FAT3: variants seen among roughly 807,000 people sequenced by gnomAD.
FAT3 encodes protocadherin Fat 3.
A neutral mutation model predicts 310.2 loss-of-function variants in FAT3; 95 were observed. That is an observed-to-expected ratio of 0.31 (90% CI 0.26 to 0.36). The LOEUF (loss-of-function observed/expected upper bound fraction) is 0.36. Among genes scored for constraint, FAT3 ranks in the 10% least tolerant of loss-of-function variants. FAT3 has a pLI of 1.00. For missense variants in FAT3, 5,408 were observed against 5,715.6 expected, an observed-to-expected ratio of 0.95 and a Z score of 1.74; for synonymous variants, 2,314 against 2,192.9, an observed-to-expected ratio of 1.06 and a Z score of -1.54.
chr11:92,309,525 T>G (rs144608133), intron 1 of FAT3, among the ~76,000 whole-genome samples: 24 of 152,162 alleles, frequency 1.6e-4, no homozygotes, highest in African/African-American at 5.3e-4. Flanking sequence ...TGGCAAACAC[T>G]TCACCTTCGG....
In FAT3 at chr11:92,638,341, C is replaced by T. The variant is rs574332269; in HGVS notation, c.3608-59043C>T. Among the ~76,000 whole-genome samples, 383 of 152,220 alleles carry T rather than the reference C, an allele frequency of 2.5e-3. 2 individuals are homozygous for T. The highest frequency in any genetic ancestry group is 4.6e-3 in the Non-Finnish European group (312 of 68,010). On this transcript the variant is annotated intron_variant, in intron 3 of 27. Transcript: ENST00000525166. Reference sequence around the variant, plus strand: ...AAAGCAGTCAGAGGCCTTTTAGGACCTTTGTGTCTTGGGCATTCTTTACTC... The same window carrying T: ...AAAGCAGTCAGAGGCCTTTTAGGACTTTTGTGTCTTGGGCATTCTTTACTC...
chr11:92,558,103 A>G (rs754754968), intron 3 of FAT3, among the ~76,000 whole-genome samples: 5 of 152,190 alleles, frequency 3.3e-5, no homozygotes, highest in Non-Finnish European at 5.9e-5. Context: ...TTTCTTTAGG[A>G]AAGTCCTGGG....
chr11:92,506,577 T>C (rs1336505829), intron 2 of FAT3, among the ~76,000 whole-genome samples: 1 of 152,132 alleles, frequency 6.6e-6, no homozygotes, highest in Non-Finnish European at 1.5e-5. Flanking sequence ...ATTTTTCATA[T>C]TATCTTGAAT....
chr11:92,447,172 CAT>C (rs1008344372), intron 2 of FAT3, among the ~76,000 whole-genome samples: 22 of 150,750 alleles, frequency 1.5e-4, no homozygotes, highest in African/African-American at 5.1e-4. Context: ...TGTATGTGTA[CAT>C]ATGTGTGTGT....
chr11:92,527,860 G>A (rs1163297206), intron 3 of FAT3, among the ~76,000 whole-genome samples: 2 of 152,184 alleles, frequency 1.3e-5, no homozygotes, highest in African/African-American at 4.8e-5. Context: ...TAGATACATA[G>A]ACAGAGGCAT....
intron 13 of FAT3, among the ~76,000 whole-genome samples, chr11:92,825,042 T>C (rs914128975): frequency 6.6e-6 from 1 of 152,194 alleles, no homozygotes; most frequent in African/African-American, 2.4e-5. Context: ...TATATGAATG[T>C]TTTATATACA....
chr11:92,249,859 T>C (rs186674349), intron 1 of FAT3, among the ~76,000 whole-genome samples: 170 of 152,246 alleles, frequency 1.1e-3, no homozygotes, highest in Admixed American at 2.6e-3. Context: ...GAGGATTTAA[T>C]ATTAACTACA....
intron 3 of FAT3, among the ~76,000 whole-genome samples, chr11:92,650,711 C>G (rs1359425464): frequency 6.6e-6 from 1 of 152,136 alleles, no homozygotes; most frequent in African/African-American, 2.4e-5. Context: ...GTGCCAGACA[C>G]CGTCATCCCT....
At chr11:92,783,357 C>CA (rs35357267) in intron 7 of FAT3, among the ~76,000 whole-genome samples, 24,308 of 44,486 alleles carry the variant, frequency 0.55, 6,605 homozygotes, top group East Asian at 0.62. Flanking sequence ...GACTCCATCT[C>CA]AAAAAAAAAA....
At chr11:92,521,492 G>T (rs1163415544) in intron 2 of FAT3, among the ~76,000 whole-genome samples, 1 of 149,566 alleles carries the variant, frequency 6.7e-6, no homozygotes, top group Admixed American at 6.7e-5. Flanking sequence ...GGTTCACATA[G>T]ATTTAACACG....
chr11:92,284,523 GC>G (rs1396134561), intron 1 of FAT3, among the ~76,000 whole-genome samples: 1 of 152,104 alleles, frequency 6.6e-6, no homozygotes, highest in African/African-American at 2.4e-5. Context: ...GAGTCCTGGA[GC>G]ACAGGACTCA....
At chr11:92,869,547 G>T (rs1949335086) in intron 22 of FAT3, among the ~76,000 whole-genome samples, 1 of 152,224 alleles carries the variant, frequency 6.6e-6, no homozygotes, top group Non-Finnish European at 1.5e-5. Flanking sequence ...AGCAGAAAGA[G>T]AACCCATTTT....
chr11:92,727,287 A>G (rs1314228280), intron 4 of FAT3, among the ~76,000 whole-genome samples: 2 of 152,194 alleles, frequency 1.3e-5, no homozygotes, highest in East Asian at 3.8e-4. Flanking sequence ...TTTTAGAAAT[A>G]TATCAAGTGC....
chr11:92,559,383 C>CGTT lies in FAT3; in HGVS notation c.3607+34435_3607+34436insGTT, dbSNP rs773345891. 178 of 144,002 alleles carry CGTT rather than the reference C, an allele frequency of 1.2e-3. 1 individual carries two copies. The highest frequency in any genetic ancestry group is 5.1e-3 in the African/African-American group (171 of 33,740). 8.9% of individuals were successfully genotyped at this position (144,002 alleles called of 1,614,324 possible). On this transcript the variant is annotated intron_variant, in intron 3 of 27. Transcript: ENST00000525166. ...GCTGGGTGATTGTTTACTTATTTTC[C>CGTT]TTTTTTTTTTTTTTTTTTTGAAACA...
intron 7 of FAT3, among the ~76,000 whole-genome samples, chr11:92,783,762 G>A (rs1248592217): frequency 5.3e-5 from 8 of 152,122 alleles, no homozygotes; most frequent in Admixed American, 5.2e-4. Context: ...TCCAGCCTAG[G>A]AGACAAAGGA....
chr11:92,524,992 C>A, intron 3 of FAT3, 44 bp downstream of exon 3: 1 of 1,472,730 alleles, frequency 6.8e-7, no homozygotes, highest in Non-Finnish European at 9.4e-7. Context: ...TGTAGTCCAG[C>A]CTTTAAATTC....
chr11:92,735,144 C>A (rs1224889807), intron 4 of FAT3, among the ~76,000 whole-genome samples: 1 of 96,798 alleles, frequency 1.0e-5, no homozygotes, highest in African/African-American at 6.9e-5. Context: ...TATCTGAAAC[C>A]ACCTGTGCTG....
At chr11:92,392,793 G>A (rs1469524482) in intron 2 of FAT3, among the ~76,000 whole-genome samples, 2 of 152,186 alleles carry the variant, frequency 1.3e-5, no homozygotes, top group Non-Finnish European at 2.9e-5. Context: ...AAGCTCCCCA[G>A]AACCCTTCAG....
intron 1 of FAT3, among the ~76,000 whole-genome samples, chr11:92,349,637 G>T (rs1948510084): frequency 1.3e-5 from 2 of 152,168 alleles, no homozygotes; most frequent in African/African-American, 4.8e-5. Context: ...ACTGAGCAGG[G>T]TCACCAGCGG....
Sources: allele counts gnomAD v4.1 joint callset (sites outside exome capture counted in the v4.1 genomes callset), GRCh38; gene constraint gnomAD v4.1.1; transcripts MANE v1.5; gene names NCBI Gene and HGNC (gene_info 2026-07-23, HGNC 2026-07-21).